ERAP2: variants seen among roughly 807,000 people sequenced by gnomAD.
ERAP2 encodes leukocyte-derived arginine aminopeptidase.
A neutral mutation model predicts 111.1 loss-of-function variants in ERAP2; 118 were observed. The ratio of observed to expected loss-of-function variants is 1.06; its 90% confidence interval spans 0.92 to 1.24. The LOEUF (loss-of-function observed/expected upper bound fraction) is 1.24. Ranked by LOEUF, ERAP2 falls within the 50% of genes most tolerant of loss-of-function variation. The pLI is 0.00. For synonymous variants in ERAP2, 410 were observed against 401.2 expected, an observed-to-expected ratio of 1.02 and a Z score of -0.26; for missense variants, 1,131 against 1,125.8, an observed-to-expected ratio of 1.00 and a Z score of -0.07.
chr5:96,917,532 CGAT>C lies in ERAP2; in HGVS notation c.2811_2813del (p.Ile938del). ...GATATTTTTCAAACTGTTCTGGAAA[CGAT>C]AACCAAAAATATAAAATGGCTGGAG... is the stretch of plus-strand genomic sequence containing the variant. On this transcript the variant is annotated inframe_deletion, in exon 19 of 19. Coordinates refer to ENST00000437043, the MANE Select transcript of ERAP2 (RefSeq NM_022350.5). 1 of 1,613,792 alleles carries C rather than the reference CGAT, an allele frequency of 6.2e-7. No homozygotes were observed. Among genetic ancestry groups the C allele is most frequent in the African/African-American group, 1.3e-5 (1 of 74,996 alleles).
chr5:96,892,595 A>G (rs1008580169), intron 6 of ERAP2, 142 bp downstream of exon 6: 11 of 891,858 alleles, frequency 1.2e-5, no homozygotes, highest in Non-Finnish European at 1.7e-5. Context: ...ACACAACGTC[A>G]AGTAGCACAG....
intron 3 of ERAP2, among the ~76,000 whole-genome samples, chr5:96,884,838 C>T (rs1283508463): frequency 2.6e-5 from 4 of 152,154 alleles, no homozygotes; most frequent in Non-Finnish European, 4.4e-5. Context: ...CTTTTGGACA[C>T]TTATTTGTCT....
intron 15 of ERAP2, among the ~76,000 whole-genome samples, chr5:96,911,204 C>T (rs1481124877): frequency 6.6e-6 from 1 of 152,154 alleles, no homozygotes; most frequent in Admixed American, 6.5e-5. Flanking sequence ...TAATAACTAT[C>T]TCAGAGGGTA....
Position 96,896,465 on chromosome 5 carries a change from T to C in ERAP2, c.1332T>C (p.Thr444=). ...RPISKPAETP[T]QIQEMFDEVS... ...TCTCCAAACCAGCGGAAACCCCGAC[T>C]CAAATACAGGAAATGTTTGATGAAG... Residue 444 remains threonine (T), a synonymous_variant, in exon 8 of 19, where the codon ACT becomes ACC. Coordinates refer to ENST00000437043, the MANE Select transcript of ERAP2 (RefSeq NM_022350.5). 1.2e-6 allele frequency: 2 copies of C among 1,613,590 alleles called. No individual in the cohort carries two copies. The highest frequency in any genetic ancestry group is 8.5e-7 in the Non-Finnish European group (1 of 1,179,704).
intron 18 of ERAP2, among the ~76,000 whole-genome samples, chr5:96,916,240 AC>A (rs1207541235): frequency 1.3e-4 from 15 of 115,588 alleles, no homozygotes; most frequent in South Asian, 8.2e-4. Flanking sequence ...AAAAACAAAA[AC>A]AAAAACAAAA....
intron 15 of ERAP2, chr5:96,909,989 G>A (rs1581899267): frequency 2.3e-6 from 1 of 429,730 alleles, no homozygotes; most frequent in East Asian, 4.1e-5. Flanking sequence ...GTGCTGGCTG[G>A]ATGCAGTGGC....
In ERAP2 at chr5:96,889,299, A is replaced by C. The variant is rs1474427755; in HGVS notation, c.964A>C (p.Lys322Gln). Residue 322 changes from lysine to glutamine, a missense_variant, in exon 5 of 19, where the codon AAA becomes CAA. Physicochemically the swap from Lys to Gln is moderately conservative, Grantham distance 53 (BLOSUM62 1). Around this residue, in one of 3 missense-constraint regions of ERAP2, gnomAD observed 847 missense variants for 856.5 expected, o/e 0.99. Transcript: ENST00000437043. Reference sequence around the variant, plus strand: ...CTTTGATATCTACTATCCACTCTCCAAACTGGGTATGTTCAAATTCCACAT... The same window carrying C: ...CTTTGATATCTACTATCCACTCTCCCAACTGGGTATGTTCAAATTCCACAT... ...KYFDIYYPLS[K>Q]LDLIAIPDFA... 1.9e-6 allele frequency: 3 copies of C among 1,613,902 alleles called. No individual in the cohort carries two copies. Among genetic ancestry groups the C allele is most frequent in the Non-Finnish European group, 1.7e-6 (2 of 1,179,958 alleles).
chr5:96,905,925 T>G (rs920356844), intron 13 of ERAP2, among the ~76,000 whole-genome samples: 6 of 145,676 alleles, frequency 4.1e-5, no homozygotes, highest in East Asian at 2.1e-4. Context: ...TTTGGAGAGA[T>G]AATTTTTTTT....
intron 18 of ERAP2, among the ~76,000 whole-genome samples, chr5:96,916,297 C>T (rs375297847): frequency 9.3e-5 from 14 of 151,242 alleles, no homozygotes; most frequent in Middle Eastern, 3.4e-3. Flanking sequence ...ACTTAAAATA[C>T]GTGTATTCAT....
chr5:96,914,388 A>T (rs1389184108), intron 17 of ERAP2, among the ~76,000 whole-genome samples: 1 of 152,246 alleles, frequency 6.6e-6, no homozygotes, highest in Non-Finnish European at 1.5e-5. Context: ...AGCAAAAAGC[A>T]CATTTCCACT....
chr5:96,896,965 T>TAAGTCATATTTTGGGTAACGATAGACTG, intron 9 of ERAP2, 102 bp downstream of exon 9: 1 of 987,684 alleles, frequency 1.0e-6, no homozygotes, highest in Non-Finnish European at 1.4e-6. Context: ...GTCAACCATA[T>TAAGTCATATTTTGGGTAACGATAGACTG]TTATTCTGCT....
chr5:96,878,629 C>CA (rs1030416731), intron 1 of ERAP2, among the ~76,000 whole-genome samples: 177 of 151,258 alleles, frequency 1.2e-3, no homozygotes, highest in African/African-American at 4.1e-3. Context: ...CATTGTCTTT[C>CA]AAAAAAAATA....
rs1370212339 is a variant in ERAP2, at chr5:96,901,656, C to T, written c.1723C>T (p.Pro575Ser). ...RFLQGVFQED[P>S]EWRALQERYL... is the part of the protein sequence containing the mutation. ...CCTCCAGGGGGTTTTCCAGGAAGACCCTGAATGGAGGGCCCTGCAGGAGAG... is the reference window on the plus strand; with the variant it reads ...CCTCCAGGGGGTTTTCCAGGAAGACTCTGAATGGAGGGCCCTGCAGGAGAG... Residue 575 changes from proline (P) to serine (S), a missense_variant, in exon 11 of 19, where the codon CCT becomes TCT. Coordinates refer to ENST00000437043, the MANE Select transcript of ERAP2 (RefSeq NM_022350.5). 3 of 1,613,958 alleles carry T rather than the reference C, an allele frequency of 1.9e-6. No individual in the cohort carries two copies. Among genetic ancestry groups the T allele is most frequent in the African/African-American group, 1.3e-5 (1 of 75,024 alleles).
intron 17 of ERAP2, among the ~76,000 whole-genome samples, chr5:96,914,431 CAT>C (rs568087867): frequency 2.2e-4 from 33 of 152,194 alleles, no homozygotes; most frequent in Non-Finnish European, 3.5e-4. Context: ...TTGACGTCCA[CAT>C]GAGACCAAAT....
intron 3 of ERAP2, among the ~76,000 whole-genome samples, chr5:96,885,896 C>A (rs1581803209): frequency 2.0e-5 from 3 of 152,228 alleles, no homozygotes; most frequent in Admixed American, 2.0e-4. Flanking sequence ...GACGAGACTG[C>A]AGGCTGAAAA....
At chr5:96,908,305 C>A (rs73150394) in intron 13 of ERAP2, among the ~76,000 whole-genome samples, 14 of 152,136 alleles carry the variant, frequency 9.2e-5, no homozygotes, top group African/African-American at 3.4e-4. Flanking sequence ...TATAATCGTT[C>A]GTTTCCTCTA....
intron 9 of ERAP2, 81 bp from the exon 10 acceptor site, chr5:96,900,040 T>A: frequency 1.4e-6 from 2 of 1,472,978 alleles, no homozygotes; most frequent in Non-Finnish European, 1.9e-6. Flanking sequence ...TTTTAATAAA[T>A]GCCTGCATCC....
At chr5:96,892,846 C>G (rs998101772) in intron 6 of ERAP2, among the ~76,000 whole-genome samples, 2 of 152,174 alleles carry the variant, frequency 1.3e-5, no homozygotes, top group African/African-American at 4.8e-5. Flanking sequence ...CAAAATCACT[C>G]TTCCTTCAGT....
Position 96,879,905 on chromosome 5 carries a change from A to G in ERAP2, c.220A>G (p.Ile74Val), listed in dbSNP as rs1782959022. 1 of 1,614,134 alleles carries G rather than the reference A, an allele frequency of 6.2e-7. No individual in the cohort carries two copies. Among genetic ancestry groups the G allele is most frequent in the South Asian group, 1.1e-5 (1 of 91,088 alleles). ...WQELRLPSVVIPLHYDLFVHP... is the reference protein window; with the variant it reads ...WQELRLPSVVVPLHYDLFVHP... ...GGAGCTAAGGCTCCCCAGTGTGGTC[A>G]TTCCTCTCCATTATGACCTCTTTGT... is the stretch of plus-strand genomic sequence containing the variant. The change falls in exon 2 of 19, where the codon ATT becomes GTT. Residue 74 changes from isoleucine to valine, a missense_variant. Physicochemically the swap from Ile to Val is conservative, Grantham distance 29 (BLOSUM62 3). This residue lies in a region of ERAP2 where 847 missense variants were observed against 856.5 expected (regional missense o/e 0.99). Transcript: ENST00000437043.
Sources: gnomAD v4.1 joint callset for allele counts (sites outside exome capture counted in the v4.1 genomes callset) on GRCh38, gnomAD v4.1.1 for gene constraint, gnomAD v4.1.1 regional missense constraint, MANE v1.5 for transcripts, NCBI Gene and HGNC (gene_info 2026-07-23, HGNC 2026-07-21) for gene names.